Variants in ATL3 observed in about 807,000 individuals in gnomAD.
ATL3 encodes the protein atlastin-3.
ATL3 carries 49 observed loss-of-function variants against 69.5 expected under a neutral mutation model. The observed-to-expected ratio is 0.71, with a 90% CI of 0.56 to 0.89. The LOEUF is 0.89. Ranked by LOEUF, ATL3 falls within the 40% of genes least tolerant of loss-of-function variation. The pLI, the probability that ATL3 is intolerant of heterozygous loss-of-function variation, is 0.00. For missense variants in ATL3, 606 were observed against 645.7 expected (o/e 0.94, Z 0.67); for synonymous variants, 214 against 224.1 (o/e 0.95, Z 0.40).
chr11:63,633,103 AAG>A lies in ATL3; in HGVS notation c.1036-8_1036-7del. Reference sequence around the variant, plus strand: ...TTGTTGGCTTCAGCAGTGGCCTTTTAAGAGAGAAAAACGTGAACTGTAAATCC... The same window carrying A: ...TTGTTGGCTTCAGCAGTGGCCTTTTAAGAGAAAAACGTGAACTGTAAATCC... On this transcript the variant is annotated splice_region_variant and splice_polypyrimidine_tract_variant and intron_variant, in intron 10 of 12. Transcript: ENST00000398868. 10 of 1,613,342 alleles carry A rather than the reference AAG, an allele frequency of 6.2e-6. No individual in the cohort carries two copies. The highest frequency in any genetic ancestry group is 4.4e-5 in the South Asian group (4 of 91,060).
At chr11:63,656,803 C>T (rs1940266311) in intron 3 of ATL3, among the ~76,000 whole-genome samples, 1 of 150,504 alleles carries the variant, frequency 6.6e-6, no homozygotes. Flanking sequence ...GAGAAAAATA[C>T]GTTGGCCTAG....
Position 63,664,175 on chromosome 11 carries a change from G to A in ATL3, c.47-4923C>T, listed in dbSNP as rs1285398726. Among the ~76,000 whole-genome samples, 6 of 152,180 alleles carry A rather than the reference G, an allele frequency of 3.9e-5. No homozygotes were observed. In the East Asian group the frequency reaches 1.2e-3, roughly 29 times the overall value. On this transcript the variant is annotated intron_variant, in intron 1 of 12. Transcript: ENST00000398868. ...GCCAAGCCTAGCAGCCAACACAACA[G>A]TCTTCCAGGACTTTACAATTAAGTT...
intron 11 of ATL3, among the ~76,000 whole-genome samples, chr11:63,631,931 G>A (rs375068316): frequency 3.9e-5 from 6 of 152,136 alleles, no homozygotes; most frequent in African/African-American, 1.4e-4. Flanking sequence ...GCAGTGAGCC[G>A]AGATCGCACC....
chr11:63,664,413 A>G (rs1940513281), intron 1 of ATL3, among the ~76,000 whole-genome samples: 1 of 151,302 alleles, frequency 6.6e-6, no homozygotes, highest in African/African-American at 2.4e-5. Context: ...GGTGGTAGGC[A>G]CCCGTAATCC....
intron 12 of ATL3, among the ~76,000 whole-genome samples, chr11:63,629,722 T>C (rs931848529): frequency 1.8e-4 from 27 of 152,282 alleles, no homozygotes; most frequent in Admixed American, 9.8e-4. Flanking sequence ...ACCATGTCAA[T>C]GTCCAAGAGC....
At chr11:63,663,876 A>T (rs1440555619) in intron 1 of ATL3, among the ~76,000 whole-genome samples, 12 of 152,218 alleles carry the variant, frequency 7.9e-5, no homozygotes, top group Non-Finnish European at 2.9e-5. Context: ...CTAGGATATG[A>T]CCAGGTGACT....
rs1169248718 is a variant in ATL3 at position 63,627,857 on chromosome 11, A to T, written c.*1462T>A. 3.3e-5 allele frequency: 5 copies of T among 152,242 alleles called. No individual in the cohort carries two copies. The highest frequency in any genetic ancestry group is 7.3e-5 in the Non-Finnish European group (5 of 68,038). 9.4% of individuals were successfully genotyped at this position (152,242 alleles called of 1,614,324 possible). A position where few individuals can be genotyped will look rare whatever the true frequency, so the allele number is the denominator to read the frequency against. On this transcript the variant is annotated 3_prime_UTR_variant, in exon 13 of 13. Coordinates refer to ENST00000398868, the MANE Select transcript of ATL3 (RefSeq NM_015459.5). ...AAAGCTATCTTAAAGCTACCAGACT[A>T]GCCAAAGTAAAATTAAATAGATAAT...
chr11:63,665,748 G>C (rs1355171679), intron 1 of ATL3, among the ~76,000 whole-genome samples: 25 of 151,896 alleles, frequency 1.6e-4, no homozygotes, highest in Admixed American at 1.6e-3. Flanking sequence ...AATTAACCAG[G>C]CTTGGTGGTA....
chr11:63,660,167 A>C (rs960575228), intron 1 of ATL3, among the ~76,000 whole-genome samples: 5 of 152,152 alleles, frequency 3.3e-5, no homozygotes, highest in Non-Finnish European at 5.9e-5. Context: ...TCACTTAAAG[A>C]CTTCAATAAG....
intron 6 of ATL3, 119 bp from the exon 7 acceptor site, chr11:63,644,380 A>AC: frequency 2.1e-6 from 1 of 468,600 alleles, no homozygotes. Flanking sequence ...AGAAGGATTT[A>AC]CCTTTTTTTT....
chr11:63,652,063 G>C (rs184718120), intron 4 of ATL3, 77 bp from the exon 5 acceptor site: 3 of 1,537,354 alleles, frequency 2.0e-6, no homozygotes, highest in Non-Finnish European at 2.6e-6. Flanking sequence ...AGGGCTGACA[G>C]AAGCTTTGAA....
chr11:63,668,726 TA>T (rs1227913465), intron 1 of ATL3, among the ~76,000 whole-genome samples: 1 of 150,830 alleles, frequency 6.6e-6, no homozygotes, highest in Non-Finnish European at 1.5e-5. Flanking sequence ...ATGAGCTCAG[TA>T]ACACTTTTGT....
chr11:63,644,574 A>G (rs1442632185), intron 6 of ATL3, among the ~76,000 whole-genome samples: 1 of 151,840 alleles, frequency 6.6e-6, no homozygotes, highest in African/African-American at 2.4e-5. Context: ...ATTTTTTTAT[A>G]TAGACAAGGT....
At position 63,636,289 on chromosome 11, in the gene ATL3, T is replaced by G; in HGVS notation, c.896A>C (p.Tyr299Ser). 1 of 1,614,122 alleles carries G rather than the reference T, an allele frequency of 6.2e-7. No homozygotes were observed. The highest frequency in any genetic ancestry group is 8.5e-7 in the Non-Finnish European group (1 of 1,180,004). Residue 299 changes from tyrosine to serine, a missense_variant, in exon 9 of 13, where the codon TAT (tyrosine) becomes TCT (serine). By Grantham distance (144) the Tyr-to-Ser change is moderately radical. Transcript: ENST00000398868. ...FKEQLQALIP[Y>S]VLNPSKLMEK... ...CATTAACTTAGATGGGTTTAATACATACGGTATCAGTGCCTGTAACTGCTC... is the reference window on the plus strand; with the variant it reads ...CATTAACTTAGATGGGTTTAATACAGACGGTATCAGTGCCTGTAACTGCTC...
intron 10 of ATL3, among the ~76,000 whole-genome samples, chr11:63,633,392 TA>T (rs1476291729): frequency 6.6e-6 from 1 of 152,144 alleles, no homozygotes; most frequent in Non-Finnish European, 1.5e-5. Context: ...TGCATCAATT[TA>T]TTTTTTAATT....
intron 3 of ATL3, among the ~76,000 whole-genome samples, chr11:63,653,446 G>A (rs1317525809): frequency 6.6e-6 from 1 of 151,526 alleles, no homozygotes; most frequent in African/African-American, 2.4e-5. Context: ...GCCTGGGTGA[G>A]AGAGCGAGAT....
intron 8 of ATL3, among the ~76,000 whole-genome samples, chr11:63,640,456 A>AC (rs1555053069): frequency 1.4e-5 from 2 of 139,632 alleles, no homozygotes; most frequent in Non-Finnish European, 3.1e-5. Context: ...TCCAGCTAGT[A>AC]TTTTTTTTTT....
intron 8 of ATL3, among the ~76,000 whole-genome samples, chr11:63,640,167 A>C (rs1174028562): frequency 6.6e-6 from 1 of 152,190 alleles, no homozygotes; most frequent in African/African-American, 2.4e-5. Context: ...ACCTCAGGTG[A>C]TCTGCCTGCC....
chr11:63,671,530 G>C (rs1363009032), upstream of ATL3: 7 of 1,430,984 alleles, frequency 4.9e-6, no homozygotes, highest in African/African-American at 1.1e-4. Flanking sequence ...GACAGCCCGA[G>C]GCGTGGCGAG....
Sources: gnomAD v4.1 joint callset for allele counts (sites outside exome capture counted in the v4.1 genomes callset) on GRCh38, gnomAD v4.1.1 for gene constraint, MANE v1.5 for transcripts, NCBI Gene and HGNC (gene_info 2026-07-23, HGNC 2026-07-21) for gene names.